The following USP35 variants were observed in gnomAD, a reference collection of about 807,000 sequenced individuals.
USP35 encodes ubiquitin carboxyl-terminal hydrolase 35.
Under a neutral mutation model 83.8 loss-of-function variants are expected in USP35, and 69 were observed. That is an observed-to-expected ratio of 0.82 (90% CI 0.68 to 1.01). USP35 has a LOEUF of 1.01. Among genes scored for constraint, USP35 ranks in the 50% least tolerant of loss-of-function variants. The pLI is 0.00. For missense variants in USP35, 1,503 were observed against 1,362.5 expected, an observed-to-expected ratio of 1.10 and a Z score of -1.62; for synonymous variants, 714 against 589.5, an observed-to-expected ratio of 1.21 and a Z score of -3.06.
At chr11:78,211,397 T>A (rs1160254218) in intron 10 of USP35, among the ~76,000 whole-genome samples, 1 of 152,164 alleles carries the variant, frequency 6.6e-6, no homozygotes, top group Non-Finnish European at 1.5e-5. Context: ...TATTGTGAAA[T>A]GTGCTGCAGT....
chr11:78,223,737 G>A, the USP35 span: 1 of 1,362,444 alleles, frequency 7.3e-7, no homozygotes, highest in Non-Finnish European at 1.0e-6. Context: ...CAGGAAGGGG[G>A]TAAGACTTTG....
rs1173903012 is a variant in USP35 at position 78,205,957 on chromosome 11, C to T, written c.1313C>T (p.Thr438Met). The part of the protein sequence containing the change: ...FYPRLMAKSD[T>M]GKIGLINLGN... The stretch of plus-strand genomic sequence containing the variant: ...CCCCGGCTCATGGCCAAGTCAGACA[C>T]GGGCAAGATTGGTCTCATCAACCTG... The change falls in exon 7 of 11, where the codon ACG becomes ATG. Residue 438 changes from threonine (T) to methionine (M), a missense_variant. Coordinates refer to ENST00000529308, the MANE Select transcript of USP35 (RefSeq NM_020798.4). 9 of 1,614,252 alleles carry T rather than the reference C, an allele frequency of 5.6e-6. No homozygotes were observed. Among genetic ancestry groups the T allele is most frequent in the South Asian group, 3.3e-5 (3 of 91,090 alleles).
chr11:78,197,050 A>G, intron 2 of USP35, 132 bp downstream of exon 2: 3 of 1,357,112 alleles, frequency 2.2e-6, no homozygotes, highest in Non-Finnish European at 2.8e-6. Context: ...GCGAATGCTC[A>G]GGTGGAGGGC....
chr11:78,203,882 TTTTTC>T (rs368155746), intron 6 of USP35, among the ~76,000 whole-genome samples: 1,750 of 141,882 alleles, frequency 0.012, 46 homozygotes, highest in Non-Finnish European at 0.02. Context: ...CCAGCCCATA[TTTTTC>T]TTTTCTTTTT....
chr11:78,231,336 G>GTGTGTGTGTGT, the USP35 span, among the ~76,000 whole-genome samples: 7 of 145,796 alleles, frequency 4.8e-5, no homozygotes, highest in African/African-American at 1.8e-4. Context: ...GCGCGTGTGT[G>GTGTGTGTGTGT]GTGTGTGTGT....
chr11:78,220,279 C>T, the USP35 span: 1 of 1,609,958 alleles, frequency 6.2e-7, no homozygotes, highest in Non-Finnish European at 8.5e-7. Flanking sequence ...CTCCGGGACC[C>T]TGAGAGCTCT....
rs1863929479 is a variant in USP35, at chr11:78,213,912, G to A, written c.*99G>A. 2 of 1,372,892 alleles carry A rather than the reference G, an allele frequency of 1.5e-6. No homozygotes were observed. Among genetic ancestry groups the A allele is most frequent in the African/African-American group, 1.5e-5 (1 of 65,610 alleles). 85.0% of individuals were successfully genotyped at this position (1,372,892 alleles called of 1,614,324 possible). A position where few individuals can be genotyped will look rare whatever the true frequency, so the allele number is the denominator to read the frequency against. Reference sequence around the variant, plus strand: ...CCCTACCAAGAGGAAGGATGGTACAGCTCATGGCACCTTAGTCCTCAGCCT... The same window carrying A: ...CCCTACCAAGAGGAAGGATGGTACAACTCATGGCACCTTAGTCCTCAGCCT... On this transcript the variant is annotated 3_prime_UTR_variant, in exon 11 of 11. Coordinates refer to ENST00000529308, the MANE Select transcript of USP35 (RefSeq NM_020798.4).
the USP35 span, among the ~76,000 whole-genome samples, chr11:78,224,631 G>T: frequency 6.6e-6 from 1 of 152,176 alleles, no homozygotes; most frequent in Non-Finnish European, 1.5e-5. Context: ...CCAGGCCCTG[G>T]TCTTCTTGCC....
chr11:78,226,993 C>T, the USP35 span: 4 of 1,613,522 alleles, frequency 2.5e-6, no homozygotes, highest in Admixed American at 1.7e-5. Context: ...AGTTTTTGTA[C>T]AGCTGTGTCA....
In USP35 at chr11:78,210,212, C is replaced by T; in HGVS notation, c.2357C>T (p.Ala786Val). 1.2e-6 allele frequency: 2 copies of T among 1,614,032 alleles called. No homozygotes were observed. Among genetic ancestry groups the T allele is most frequent in the East Asian group, 2.2e-5 (1 of 44,862 alleles). ...AENRYYCESCASLQDAEKVVE... is the reference protein window; with the variant it reads ...AENRYYCESCVSLQDAEKVVE... ...AACCGCTACTACTGCGAGTCGTGTGCCTCCCTGCAGGATGCCGAGAAGGTG... is the reference window on the plus strand; with the variant it reads ...AACCGCTACTACTGCGAGTCGTGTGTCTCCCTGCAGGATGCCGAGAAGGTG... The change falls in exon 10 of 11, where the codon GCC (alanine) becomes GTC (valine). Residue 786 changes from alanine to valine, a missense_variant. Ala to Val is a moderately conservative substitution (Grantham distance 64, BLOSUM62 0). Transcript: ENST00000529308.
chr11:78,220,532 G>T, the USP35 span: 2 of 1,160,912 alleles, frequency 1.7e-6, no homozygotes, highest in Non-Finnish European at 1.2e-6. Flanking sequence ...TAAGAACACT[G>T]TTTCCCTGAG....
Position 78,215,068 on chromosome 11 carries a change from A to C in USP35, c.*1255A>C, listed in dbSNP as rs1864049612. On this transcript the variant is annotated 3_prime_UTR_variant, in exon 11 of 11. Transcript: ENST00000529308. ...TCTAAGTGACCTGTGAAAGCAGCAG[A>C]CAGACACGCCCAGAACCCATCTCTA... 6.6e-6 allele frequency among the ~76,000 whole-genome samples: 1 copy of C among 152,184 alleles called. No individual in the cohort carries two copies. Among genetic ancestry groups the C allele is most frequent in the African/African-American group, 2.4e-5 (1 of 41,436 alleles).
the USP35 span, chr11:78,221,894 C>T: frequency 2.8e-6 from 2 of 716,920 alleles, no homozygotes; most frequent in South Asian, 1.7e-5. Context: ...TAGAGCTGCA[C>T]ACTCCATCAG....
In USP35 at chr11:78,196,844, C is replaced by A. The variant is rs939200290; in HGVS notation, c.599C>A (p.Ala200Glu). 1 of 1,526,660 alleles carries A rather than the reference C, an allele frequency of 6.6e-7. No homozygotes were observed. The highest frequency in any genetic ancestry group is 8.8e-7 in the Non-Finnish European group (1 of 1,141,826). The allele number at this position is 1,526,660 out of a possible 1,614,324, so 94.6% of individuals were successfully genotyped here. Reference protein sequence around the residue: ...EQAQQVSGLLAQLWRAQPAAI... With the variant: ...EQAQQVSGLLEQLWRAQPAAI... ...GCCCAGCAGGTGAGCGGGCTCCTGG[C>A]GCAGCTGTGGCGCGCACAGCCCGCC... The change falls in exon 2 of 11, where the codon GCG (alanine) becomes GAG (glutamate). Residue 200 changes from alanine to glutamate, a missense_variant. By Grantham distance (107) the Ala-to-Glu change is moderately radical (BLOSUM62 -1). Transcript: ENST00000529308. The surrounding 1 kb of genome is among the most constrained non-coding windows in gnomAD (Gnocchi z 4.8).
At position 78,210,072 on chromosome 11, in the gene USP35, GA is replaced by G; in HGVS notation, c.2218del (p.Thr740ProfsTer35). On this transcript the variant is annotated frameshift_variant, in exon 10 of 11. Coordinates refer to ENST00000529308, the MANE Select transcript of USP35 (RefSeq NM_020798.4). LOFTEE classifies it high-confidence loss of function. ...EKEEDSLGAGTHPDAAIPSGE... is the reference protein window; with the variant it reads ...EKEEDSLGAGXHPDAAIPSGE... ...AGGAAGAAGACAGCCTGGGAGCGGG[GA>G]CCCACCCGGATGCTGCCATCCCCTC... The G allele has an allele frequency of 6.2e-7, 1 of 1,613,946 alleles. No homozygotes were observed. The highest frequency in any genetic ancestry group is 8.5e-7 in the Non-Finnish European group (1 of 1,179,938).
At chr11:78,203,228 C>T (rs1186782247) in intron 6 of USP35, among the ~76,000 whole-genome samples, 5 of 152,122 alleles carry the variant, frequency 3.3e-5, no homozygotes, top group Non-Finnish European at 7.3e-5. Flanking sequence ...TGGAAAGCTT[C>T]ATAGAGAAGG....
chr11:78,220,327 G>A, the USP35 span: 4 of 1,612,324 alleles, frequency 2.5e-6, no homozygotes, highest in Non-Finnish European at 2.5e-6. Flanking sequence ...ACCTTGCGGT[G>A]GGGGCTTGGG....
At chr11:78,209,043 C>T (rs1863631230) in intron 9 of USP35, 80 bp downstream of exon 9, 2 of 1,416,824 alleles carry the variant, frequency 1.4e-6, no homozygotes, top group Non-Finnish European at 1.9e-6. Flanking sequence ...AGCTGTGTTG[C>T]AGCGTCCAGG....
intron 1 of USP35, among the ~76,000 whole-genome samples, chr11:78,189,375 C>T (rs1590890171): frequency 6.6e-6 from 1 of 152,320 alleles, no homozygotes; most frequent in Middle Eastern, 3.4e-3. Flanking sequence ...GATCCTGCTC[C>T]CTCCCCTTTC....
Sources: allele counts gnomAD v4.1 joint callset (sites outside exome capture counted in the v4.1 genomes callset), GRCh38; gene constraint gnomAD v4.1.1; non-coding constraint Gnocchi (gnomAD v3.1); transcripts MANE v1.5; gene names NCBI Gene and HGNC (gene_info 2026-07-23, HGNC 2026-07-21).